Variants in CDH13 observed in about 807,000 individuals in gnomAD.
CDH13 encodes cadherin 13, also known as cadherin-13.
A neutral mutation model predicts 63.8 loss-of-function variants in CDH13; 24 were observed. That is an observed-to-expected ratio of 0.38 (90% CI 0.27 to 0.53). The LOEUF (loss-of-function observed/expected upper bound fraction) is 0.53, where lower values mean the gene tolerates loss of function less well. Ranked by LOEUF, CDH13 falls within the 20% of genes least tolerant of loss-of-function variation. CDH13 has a pLI of 0.85. For missense variants in CDH13, 1,049 were observed against 903.1 expected, an observed-to-expected ratio of 1.16 and a Z score of -2.07; for synonymous variants, 503 against 355.3, an observed-to-expected ratio of 1.42 and a Z score of -4.67.
intron 6 of CDH13, among the ~76,000 whole-genome samples, chr16:83,429,104 A>T (rs964230424): frequency 6.6e-6 from 1 of 152,248 alleles, no homozygotes; most frequent in Non-Finnish European, 1.5e-5. Context: ...ATTCATGTGC[A>T]TTTGGCAGTG....
chr16:83,692,468 G>T (rs565758834), intron 10 of CDH13, among the ~76,000 whole-genome samples: 1 of 152,306 alleles, frequency 6.6e-6, no homozygotes, highest in East Asian at 1.9e-4. Context: ...TGCACGGGTT[G>T]ATGATGCGAA....
chr16:83,346,541 A>T (rs2090843150), intron 6 of CDH13, among the ~76,000 whole-genome samples: 1 of 152,172 alleles, frequency 6.6e-6, no homozygotes, highest in Non-Finnish European at 1.5e-5. Flanking sequence ...AAGTGTTCTA[A>T]ATGTAAATGA....
intron 3 of CDH13, among the ~76,000 whole-genome samples, chr16:83,082,328 AG>A (rs2033308614): frequency 6.6e-6 from 1 of 152,136 alleles, no homozygotes; most frequent in Non-Finnish European, 1.5e-5. Flanking sequence ...CTAGTACAGG[AG>A]TTGAACATTT....
At chr16:82,947,003 C>G (rs888724458) in intron 2 of CDH13, among the ~76,000 whole-genome samples, 1 of 91,232 alleles carries the variant, frequency 1.1e-5, no homozygotes, top group Non-Finnish European at 2.3e-5. Flanking sequence ...AGTGCGCACG[C>G]CTGTGTGTGT....
At chr16:83,220,728 A>G (rs1005863259) in intron 5 of CDH13, among the ~76,000 whole-genome samples, 1 of 151,846 alleles carries the variant, frequency 6.6e-6, no homozygotes, top group Non-Finnish European at 1.5e-5. Context: ...AATAGCGCCA[A>G]TGTTTCTGTT....
At chr16:83,140,968 C>T (rs2036505477) in intron 4 of CDH13, among the ~76,000 whole-genome samples, 1 of 152,184 alleles carries the variant, frequency 6.6e-6, no homozygotes, top group Non-Finnish European at 1.5e-5. Flanking sequence ...TGCACAATTG[C>T]TAAACAGACA....
intron 6 of CDH13, among the ~76,000 whole-genome samples, chr16:83,452,612 T>G (rs1442077991): frequency 6.6e-6 from 1 of 152,088 alleles, no homozygotes; most frequent in Non-Finnish European, 1.5e-5. Context: ...AAGTAAGTAA[T>G]AATATAGAAT....
intron 7 of CDH13, among the ~76,000 whole-genome samples, chr16:83,549,818 A>G (rs926824467): frequency 6.6e-6 from 1 of 152,228 alleles, no homozygotes; most frequent in Non-Finnish European, 1.5e-5. Flanking sequence ...CAGGAGTAAT[A>G]CAAAAGCTCA....
At chr16:83,078,780 G>C (rs2033029930) in intron 3 of CDH13, among the ~76,000 whole-genome samples, 1 of 152,092 alleles carries the variant, frequency 6.6e-6, no homozygotes, top group South Asian at 2.1e-4. Context: ...TTTTTTGTTT[G>C]TTTGTTTGTT....
chr16:82,669,489 A>G (rs1223387102), intron 1 of CDH13, among the ~76,000 whole-genome samples: 2 of 152,242 alleles, frequency 1.3e-5, no homozygotes, highest in African/African-American at 4.8e-5. Flanking sequence ...ACTTAATTGT[A>G]ATTCTGATAA....
chr16:82,679,606 C>T (rs1410993614), intron 1 of CDH13, among the ~76,000 whole-genome samples: 2 of 152,102 alleles, frequency 1.3e-5, no homozygotes, highest in Admixed American at 6.5e-5. Context: ...CATCAGACTC[C>T]CCTGGTTTTG....
chr16:82,927,701 C>G (rs2042347258), intron 2 of CDH13, among the ~76,000 whole-genome samples: 1 of 152,150 alleles, frequency 6.6e-6, no homozygotes, highest in Non-Finnish European at 1.5e-5. Context: ...TTGTCATTGC[C>G]AGCTTATGAC....
chr16:83,195,591 A>G (rs1239784844), intron 4 of CDH13, among the ~76,000 whole-genome samples: 2 of 152,072 alleles, frequency 1.3e-5, no homozygotes, highest in Admixed American at 1.3e-4. Context: ...GTGCTAAACC[A>G]CTAATGAGGA....
intron 7 of CDH13, among the ~76,000 whole-genome samples, chr16:83,501,391 C>G (rs2074280489): frequency 6.6e-6 from 1 of 152,198 alleles, no homozygotes; most frequent in Non-Finnish European, 1.5e-5. Flanking sequence ...GAAAGACTCT[C>G]AGAGTCCTAA....
chr16:83,373,459 G>A (rs190814219), intron 6 of CDH13, among the ~76,000 whole-genome samples: 3 of 152,106 alleles, frequency 2.0e-5, no homozygotes, highest in Non-Finnish European at 2.9e-5. Context: ...TGTTCCGGAA[G>A]AAGGAACCTA....
intron 7 of CDH13, among the ~76,000 whole-genome samples, chr16:83,508,056 G>GAAGGAAGGAAGGAAGGAAGGAAGGAAGA (rs1248238418): frequency 1.2e-3 from 5 of 4,300 alleles, no homozygotes; most frequent in African/African-American, 3.1e-3. Flanking sequence ...AGAAAGAGAA[G>GAAGGAAGGAAGGAAGGAAGGAAGGAAGA]AAGGAAGGAA....
intron 6 of CDH13, among the ~76,000 whole-genome samples, chr16:83,378,429 C>T (rs929415965): frequency 6.6e-5 from 10 of 152,154 alleles, no homozygotes; most frequent in Non-Finnish European, 1.3e-4. Flanking sequence ...CTCATCGGGA[C>T]ATTATTATGT....
At chr16:83,323,225 T>C (rs2090278276) in intron 5 of CDH13, among the ~76,000 whole-genome samples, 1 of 149,274 alleles carries the variant, frequency 6.7e-6, no homozygotes, top group Non-Finnish European at 1.5e-5. Context: ...TTTCTTTCTT[T>C]CTTTCTTTCT....
intron 2 of CDH13, among the ~76,000 whole-genome samples, chr16:82,872,567 T>G (rs1344495007): frequency 6.6e-6 from 1 of 152,240 alleles, no homozygotes; most frequent in Admixed American, 6.5e-5. Flanking sequence ...GCAGAAGTTC[T>G]TATTATTCTG....
Sources: allele counts gnomAD v4.1 joint callset (sites outside exome capture counted in the v4.1 genomes callset), GRCh38; gene constraint gnomAD v4.1.1; transcripts MANE v1.5; gene names NCBI Gene and HGNC (gene_info 2026-07-23, HGNC 2026-07-21).